FAM13C: variants seen among roughly 807,000 people sequenced by gnomAD.
The protein encoded by FAM13C is protein FAM13C.
A neutral mutation model predicts 73.2 loss-of-function variants in FAM13C; 37 were observed. The observed-to-expected ratio is 0.51, with a 90% CI of 0.39 to 0.67. The LOEUF is 0.67. FAM13C is among the 30% of genes least tolerant of loss of function. The pLI is 0.00. For missense variants in FAM13C, 589 were observed against 715.6 expected (o/e 0.82, Z 2.02); for synonymous variants, 246 against 260.9 (o/e 0.94, Z 0.55).
chr10:59,298,012 A>C (rs1405652578), intron 5 of FAM13C, among the ~76,000 whole-genome samples: 1 of 152,254 alleles, frequency 6.6e-6, no homozygotes, highest in African/African-American at 2.4e-5. Context: ...GGTGTGCAAA[A>C]GACTCATGCA....
intron 4 of FAM13C, among the ~76,000 whole-genome samples, chr10:59,306,734 G>A (rs1848305839): frequency 6.6e-6 from 1 of 152,206 alleles, no homozygotes; most frequent in East Asian, 1.9e-4. Flanking sequence ...AGATAGCCAG[G>A]TATGGCGGTG....
Position 59,264,185 on chromosome 10 carries a change from A to T in FAM13C, c.943-19T>A, listed in dbSNP as rs1333861144. The T allele has an allele frequency of 6.8e-7, 1 of 1,480,658 alleles. No homozygotes were observed. Among genetic ancestry groups the T allele is most frequent in the Admixed American group, 1.7e-5 (1 of 58,326 alleles). 91.7% of individuals were successfully genotyped at this position (1,480,658 alleles called of 1,614,324 possible). On this transcript the variant is annotated intron_variant, in intron 8 of 13. Coordinates refer to ENST00000618804, the MANE Select transcript of FAM13C (RefSeq NM_198215.4). ...GTGAAGGCTACCAAGGGAAGGAAAA[A>T]ATGGGGGTGGAAGGGAGGGAAGGAG...
intron 10 of FAM13C, among the ~76,000 whole-genome samples, chr10:59,260,574 C>G (rs746268692): frequency 7.9e-5 from 12 of 152,130 alleles, no homozygotes; most frequent in Admixed American, 5.2e-4. Context: ...AAAGTAGAAA[C>G]TATACCCATA....
intron 4 of FAM13C, among the ~76,000 whole-genome samples, chr10:59,312,425 C>G (rs1436927171): frequency 6.6e-6 from 1 of 152,166 alleles, no homozygotes; most frequent in Non-Finnish European, 1.5e-5. Context: ...TTCATTGTCA[C>G]CAGCACCTCC....
intron 4 of FAM13C, among the ~76,000 whole-genome samples, chr10:59,306,868 A>T (rs1422306355): frequency 6.6e-6 from 1 of 152,222 alleles, no homozygotes; most frequent in African/African-American, 2.4e-5. Flanking sequence ...GCAAAACTCC[A>T]TCTCTAAAAC....
At chr10:59,277,952 G>T (rs1032110291) in intron 6 of FAM13C, among the ~76,000 whole-genome samples, 1 of 152,172 alleles carries the variant, frequency 6.6e-6, no homozygotes, top group Non-Finnish European at 1.5e-5. Flanking sequence ...TCATGTTGCT[G>T]ATAAAGACAT....
intron 1 of FAM13C, among the ~76,000 whole-genome samples, chr10:59,358,285 C>T (rs986571691): frequency 2.0e-5 from 3 of 152,022 alleles, no homozygotes; most frequent in African/African-American, 4.8e-5. Context: ...GGCTGAGGCA[C>T]GAGAACCACT....
chr10:59,326,368 T>C (rs954864924), intron 3 of FAM13C, among the ~76,000 whole-genome samples: 20 of 152,060 alleles, frequency 1.3e-4, no homozygotes, highest in Non-Finnish European at 2.9e-4. Context: ...CAAGATGGTA[T>C]GGAGAATTGG....
chr10:59,256,661 A>G (rs1270818915), intron 10 of FAM13C, among the ~76,000 whole-genome samples: 3 of 152,198 alleles, frequency 2.0e-5, no homozygotes, highest in Non-Finnish European at 4.4e-5. Flanking sequence ...AGGACAGGAA[A>G]GCAGATTGCC....
intron 5 of FAM13C, among the ~76,000 whole-genome samples, chr10:59,297,876 G>A (rs1327346280): frequency 6.8e-6 from 1 of 147,274 alleles, no homozygotes; most frequent in Non-Finnish European, 1.5e-5. Flanking sequence ...ACAGACACCT[G>A]TCTCTATGGT....
chr10:59,272,532 C>T (rs1218890161), intron 6 of FAM13C, among the ~76,000 whole-genome samples: 1 of 152,108 alleles, frequency 6.6e-6, no homozygotes, highest in Non-Finnish European at 1.5e-5. Context: ...AAGCTGATGG[C>T]AATATTAAAC....
chr10:59,271,326 TC>T (rs1234400299), intron 6 of FAM13C, among the ~76,000 whole-genome samples: 1 of 152,242 alleles, frequency 6.6e-6, no homozygotes, highest in African/African-American at 2.4e-5. Context: ...CTCCTTGTTC[TC>T]TAGAGCTTGA....
At chr10:59,298,618 G>A (rs138643290) in intron 5 of FAM13C, among the ~76,000 whole-genome samples, 8 of 152,210 alleles carry the variant, frequency 5.3e-5, no homozygotes, top group African/African-American at 7.2e-5. Flanking sequence ...AATTCTTCAC[G>A]TACAATAATG....
intron 6 of FAM13C, among the ~76,000 whole-genome samples, chr10:59,275,940 A>C (rs1189944695): frequency 6.6e-6 from 1 of 152,222 alleles, no homozygotes; most frequent in African/African-American, 2.4e-5. Context: ...AATTACAGTC[A>C]TCTATACATT....
intron 3 of FAM13C, 133 bp downstream of exon 3, chr10:59,352,137 G>A: frequency 2.1e-6 from 2 of 958,588 alleles, no homozygotes; most frequent in South Asian, 1.6e-5. Context: ...GTCTCAGGTC[G>A]GCAGAGCACG....
At chr10:59,336,255 G>GT (rs1228014723) in intron 3 of FAM13C, among the ~76,000 whole-genome samples, 1 of 152,052 alleles carries the variant, frequency 6.6e-6, no homozygotes, top group Non-Finnish European at 1.5e-5. Flanking sequence ...TAATATTATT[G>GT]TTTTTTATTT....
In FAM13C at chr10:59,251,556, T is replaced by C. The variant is rs766183666; in HGVS notation, c.1634+19A>G. The C allele has an allele frequency of 6.2e-7, 1 of 1,605,710 alleles. No individual in the cohort carries two copies. Among genetic ancestry groups the C allele is most frequent in the Non-Finnish European group, 8.5e-7 (1 of 1,172,514 alleles). ...CTCTAGGAAGTATTAGCTTTAAAAATCTCTCTGCCGACACATACCTTCCTG... is the reference window on the plus strand; with the variant it reads ...CTCTAGGAAGTATTAGCTTTAAAAACCTCTCTGCCGACACATACCTTCCTG... On this transcript the variant is annotated intron_variant, in intron 13 of 13. Coordinates refer to ENST00000618804, the MANE Select transcript of FAM13C (RefSeq NM_198215.4).
intron 10 of FAM13C, among the ~76,000 whole-genome samples, chr10:59,261,438 CAATAG>C (rs1842493490): frequency 6.6e-6 from 1 of 151,994 alleles, no homozygotes; most frequent in African/African-American, 2.4e-5. Flanking sequence ...AGGTAATGTA[CAATAG>C]AACAGGGAAA....
At chr10:59,343,738 T>G (rs974939080) in intron 3 of FAM13C, among the ~76,000 whole-genome samples, 1 of 152,178 alleles carries the variant, frequency 6.6e-6, no homozygotes, top group Non-Finnish European at 1.5e-5. Context: ...AGTCTTTAGT[T>G]GACTGAGGTG....
Sources: allele counts gnomAD v4.1 joint callset (sites outside exome capture counted in the v4.1 genomes callset), GRCh38; gene constraint gnomAD v4.1.1; transcripts MANE v1.5; gene names NCBI Gene and HGNC (gene_info 2026-07-23, HGNC 2026-07-21).